Variants in MBNL2 observed in about 807,000 individuals in gnomAD.
MBNL2 encodes the protein muscleblind like splicing regulator 2.
Under a neutral mutation model 41.9 loss-of-function variants are expected in MBNL2, and 17 were observed. That is an observed-to-expected ratio of 0.41 (90% CI 0.28 to 0.61). MBNL2 has a LOEUF of 0.61. Ranked by LOEUF, MBNL2 falls within the 20% of genes least tolerant of loss-of-function variation. The pLI, the probability that MBNL2 is intolerant of heterozygous loss-of-function variation, is 0.35. For synonymous variants in MBNL2, 195 were observed against 182.9 expected (o/e 1.07, Z -0.53); for missense variants, 336 against 505.6 (o/e 0.66, Z 3.22).
intron 3 of MBNL2, among the ~76,000 whole-genome samples, chr13:97,339,915 C>G (rs1250886214): frequency 2.0e-5 from 3 of 146,470 alleles, no homozygotes; most frequent in Non-Finnish European, 4.5e-5. Flanking sequence ...TAAGAAATAA[C>G]CAACAAAATC....
In MBNL2 at chr13:97,334,176, A is replaced by C; in HGVS notation, c.175-100A>C. 2.3e-6 allele frequency: 2 copies of C among 868,294 alleles called. No individual in the cohort carries two copies. The highest frequency in any genetic ancestry group is 3.6e-6 in the Non-Finnish European group (2 of 553,006). 53.8% of individuals were successfully genotyped at this position (868,294 alleles called of 1,614,324 possible). Reference sequence around the variant, plus strand: ...CACACACACACACACACACACACACAGGATCCTTGCTTTTGTGCATAAGAA... The same window carrying C: ...CACACACACACACACACACACACACCGGATCCTTGCTTTTGTGCATAAGAA... On this transcript the variant is annotated intron_variant, in intron 2 of 8. Transcript: ENST00000679496. This position sits in a 1 kb window ranked among gnomAD's most constrained non-coding sequence, Gnocchi z 5.3.
chr13:97,336,035 CCTAT>C (rs1227476546), intron 3 of MBNL2, among the ~76,000 whole-genome samples: 3 of 152,190 alleles, frequency 2.0e-5, no homozygotes, highest in Non-Finnish European at 4.4e-5. Context: ...TCATACACAT[CCTAT>C]CTATTTAGAA....
At chr13:97,180,577 A>T in the MBNL2 span, among the ~76,000 whole-genome samples, 1 of 151,862 alleles carries the variant, frequency 6.6e-6, no homozygotes, top group Non-Finnish European at 1.5e-5. Context: ...CTACTAAAAA[A>T]TACAAAAACT....
At chr13:97,225,999 C>A (rs2041542037) in intron 1 of MBNL2, among the ~76,000 whole-genome samples, 1 of 151,696 alleles carries the variant, frequency 6.6e-6, no homozygotes, top group South Asian at 2.1e-4. Context: ...ATTTTTTTTT[C>A]TCCAGTTTTA....
At chr13:97,148,455 G>A in the MBNL2 span, among the ~76,000 whole-genome samples, 1 of 152,070 alleles carries the variant, frequency 6.6e-6, no homozygotes, top group African/African-American at 2.4e-5. Context: ...GTAAACGATG[G>A]ACTTTGGGTG....
intron 1 of MBNL2, among the ~76,000 whole-genome samples, chr13:97,270,408 G>T (rs1487309246): frequency 1.3e-5 from 2 of 151,742 alleles, no homozygotes. Context: ...TTTCTACTTG[G>T]AGCACATCTG....
chr13:97,322,322 AGGAC>A (rs1386842430), intron 2 of MBNL2, among the ~76,000 whole-genome samples: 1 of 152,132 alleles, frequency 6.6e-6, no homozygotes, highest in African/African-American at 2.4e-5. Flanking sequence ...GCTGCAGTCC[AGGAC>A]TGCAATGCAG....
At chr13:97,385,034 C>T (rs2065813399) in intron 8 of MBNL2, among the ~76,000 whole-genome samples, 1 of 152,110 alleles carries the variant, frequency 6.6e-6, no homozygotes, top group African/African-American at 2.4e-5. Context: ...ACAGATGACA[C>T]ATCTTGTGCA....
At chr13:97,340,599 A>G (rs1030728383) in intron 3 of MBNL2, among the ~76,000 whole-genome samples, 1 of 152,164 alleles carries the variant, frequency 6.6e-6, no homozygotes, top group African/African-American at 2.4e-5. Flanking sequence ...TCAGCTAAGT[A>G]GTTTCACTTA....
At chr13:97,161,355 A>G in the MBNL2 span, among the ~76,000 whole-genome samples, 1 of 152,170 alleles carries the variant, frequency 6.6e-6, no homozygotes, top group Non-Finnish European at 1.5e-5. Context: ...TTTTGCAGCT[A>G]CATTGAACCT....
chr13:97,237,581 G>C (rs2043517836), intron 1 of MBNL2, among the ~76,000 whole-genome samples: 2 of 152,144 alleles, frequency 1.3e-5, no homozygotes, highest in African/African-American at 4.8e-5. Flanking sequence ...AGTCAGGGAA[G>C]GCTTCCTGGA....
chr13:97,214,179 A>G, the MBNL2 span, among the ~76,000 whole-genome samples: 1 of 145,406 alleles, frequency 6.9e-6, no homozygotes. Flanking sequence ...AAAGAAATAG[A>G]AAATCCTGAT....
chr13:97,331,910 A>G (rs1287323836), intron 2 of MBNL2, among the ~76,000 whole-genome samples: 1 of 152,244 alleles, frequency 6.6e-6, no homozygotes, highest in Non-Finnish European at 1.5e-5. Flanking sequence ...TATGAGTCCC[A>G]GTTTTATCAA....
chr13:97,202,704 T>C, the MBNL2 span, among the ~76,000 whole-genome samples: 4 of 152,182 alleles, frequency 2.6e-5, no homozygotes, highest in Admixed American at 1.3e-4. Flanking sequence ...TCAAATGCCA[T>C]GCAGCAAGGA....
At chr13:97,223,444 C>T (rs1012526501) in intron 1 of MBNL2, among the ~76,000 whole-genome samples, 15 of 152,294 alleles carry the variant, frequency 9.8e-5, no homozygotes, top group African/African-American at 3.6e-4. Context: ...TTTTAAATTT[C>T]TGCCAGGCAT....
chr13:97,270,315 A>C (rs780195278), intron 1 of MBNL2, among the ~76,000 whole-genome samples: 1 of 152,198 alleles, frequency 6.6e-6, no homozygotes, highest in Non-Finnish European at 1.5e-5. Flanking sequence ...TTCAGTATGT[A>C]ATAACTATGA....
Position 97,283,654 on chromosome 13 carries a change from T to A in MBNL2, c.174+7245T>A, listed in dbSNP as rs977136128. Reference sequence around the variant, plus strand: ...CATGTTTGCTTCTAAAAATTATCTATACATTGCAAGTTAAGAAATCTTCAT... The same window carrying A: ...CATGTTTGCTTCTAAAAATTATCTAAACATTGCAAGTTAAGAAATCTTCAT... On this transcript the variant is annotated intron_variant, in intron 2 of 8. Coordinates refer to ENST00000679496, the MANE Select transcript of MBNL2 (RefSeq NM_001382683.1). Among the ~76,000 whole-genome samples the A allele has an allele frequency of 2.6e-5, 4 of 152,328 alleles. No homozygotes were observed. The South Asian group carries it at 6.2e-4, about 24-fold the overall frequency.
At chr13:97,187,593 TAAAAAAAAAA>T in the MBNL2 span, among the ~76,000 whole-genome samples, 7,153 of 51,700 alleles carry the variant, frequency 0.14, 312 homozygotes, top group South Asian at 0.34. Context: ...CTATGCAGCT[TAAAAAAAAAA>T]AAAAAAAAAA....
intron 1 of MBNL2, among the ~76,000 whole-genome samples, chr13:97,273,843 C>T (rs2051602109): frequency 6.6e-6 from 1 of 152,138 alleles, no homozygotes; most frequent in Admixed American, 6.5e-5. Flanking sequence ...GGTGGATCAC[C>T]TGAGGTGAGG....
Sources: allele counts gnomAD v4.1 joint callset (sites outside exome capture counted in the v4.1 genomes callset), GRCh38; gene constraint gnomAD v4.1.1; non-coding constraint Gnocchi (gnomAD v3.1); transcripts MANE v1.5; gene names NCBI Gene and HGNC (gene_info 2026-07-23, HGNC 2026-07-21).